Variants in LNX1 observed in about 807,000 individuals in gnomAD.
LNX1 encodes the protein E3 ubiquitin-protein ligase LNX.
Under a neutral mutation model 68.4 loss-of-function variants are expected in LNX1, and 54 were observed. The ratio of observed to expected loss-of-function variants is 0.79; its 90% confidence interval spans 0.63 to 0.99. The LOEUF is 0.99. Among genes scored for constraint, LNX1 ranks in the 50% least tolerant of loss-of-function variants. The pLI is 0.00. For synonymous variants in LNX1, 336 were observed against 350.0 expected (o/e 0.96, Z 0.45); for missense variants, 906 against 926.4 (o/e 0.98, Z 0.29).
At chr4:53,633,518 T>C (rs1323194321) in intron 1 of LNX1, among the ~76,000 whole-genome samples, 1 of 152,234 alleles carries the variant, frequency 6.6e-6, no homozygotes, top group African/African-American at 2.4e-5. Context: ...CCGTGGGCTA[T>C]GGCCAGGGAA....
At chr4:53,581,263 C>T (rs1577752210) in intron 1 of LNX1, among the ~76,000 whole-genome samples, 1 of 152,004 alleles carries the variant, frequency 6.6e-6, no homozygotes, top group East Asian at 1.9e-4. Context: ...TTTTTCAGAT[C>T]ATTAAGGAAG....
At chr4:53,479,087 A>G (rs1289975733) in intron 7 of LNX1, among the ~76,000 whole-genome samples, 1 of 152,178 alleles carries the variant, frequency 6.6e-6, no homozygotes, top group Admixed American at 6.5e-5. Flanking sequence ...TTTCATAGAG[A>G]AAAAGTATTG....
intron 2 of LNX1, among the ~76,000 whole-genome samples, chr4:53,609,234 T>C (rs1206137816): frequency 6.6e-6 from 1 of 151,606 alleles, no homozygotes; most frequent in African/African-American, 2.4e-5. Flanking sequence ...AATTTACCTA[T>C]GTAACAAATA....
intron 2 of LNX1, among the ~76,000 whole-genome samples, chr4:53,611,816 T>C (rs1432428352): frequency 1.3e-5 from 2 of 152,166 alleles, no homozygotes; most frequent in Non-Finnish European, 2.9e-5. Context: ...GGATTATATG[T>C]ACTGTTATAT....
chr4:53,505,528 A>G lies in LNX1; in HGVS notation c.775+1789T>C, dbSNP rs1164245237. Among the ~76,000 whole-genome samples, 3 of 152,196 alleles carry G rather than the reference A, an allele frequency of 2.0e-5. No individual in the cohort carries two copies. The East Asian group carries it at 5.8e-4, about 29-fold the overall frequency. The stretch of plus-strand genomic sequence containing the variant: ...CAGCCTCCCAAAGTGCTGGGATTAC[A>G]GGAGTAAGCCACCACGTCTGGCCCA... On this transcript the variant is annotated intron_variant, in intron 4 of 10. Coordinates refer to ENST00000263925, the MANE Select transcript of LNX1 (RefSeq NM_001126328.3).
intron 1 of LNX1, among the ~76,000 whole-genome samples, chr4:53,585,235 G>T (rs1033431149): frequency 5.3e-5 from 8 of 152,206 alleles, no homozygotes; most frequent in African/African-American, 1.9e-4. Context: ...TTGACTGGAA[G>T]AACTCAGTAG....
rs1365683541 is a variant in LNX1, at chr4:53,496,378, A to G, written c.995T>C (p.Ile332Thr). Residue 332 changes from isoleucine (I) to threonine (T), a missense_variant, in exon 6 of 11, where the codon ATC becomes ACC. By Grantham distance (89) the Ile-to-Thr change is moderately conservative. Transcript: ENST00000263925. ...DIILKVNGMD[I>T]SNVPHNYAVR... ...AGCGTAGTTGTGAGGGACATTGCTG[A>G]TGTCCATCCCGTTGACCTGGGGGCA... 1 of 1,608,154 alleles carries G rather than the reference A, an allele frequency of 6.2e-7. No homozygotes were observed. Among genetic ancestry groups the G allele is most frequent in the Admixed American group, 1.7e-5 (1 of 59,916 alleles).
chr4:53,469,397 T>G (rs1030632483), intron 9 of LNX1, among the ~76,000 whole-genome samples: 5 of 152,040 alleles, frequency 3.3e-5, no homozygotes, highest in African/African-American at 1.2e-4. Flanking sequence ...AGGAAAGATC[T>G]AAAATTGACA....
intron 10 of LNX1, 63 bp from the exon 11 acceptor site, chr4:53,461,105 G>A (rs1722006308): frequency 7.3e-7 from 1 of 1,377,794 alleles, no homozygotes. Flanking sequence ...GTTAATGCAA[G>A]TTTATCTTAG....
chr4:53,626,829 G>A (rs1051002484), intron 1 of LNX1, among the ~76,000 whole-genome samples: 3 of 152,148 alleles, frequency 2.0e-5, no homozygotes, highest in African/African-American at 7.2e-5. Flanking sequence ...TGAGTATTAA[G>A]TTTACTTTTG....
At chr4:53,635,417 T>G (rs1734434755) in intron 1 of LNX1, among the ~76,000 whole-genome samples, 1 of 152,202 alleles carries the variant, frequency 6.6e-6, no homozygotes, top group South Asian at 2.1e-4. Context: ...AGAATCACAT[T>G]TTGAAAATAT....
chr4:53,577,477 A>G (rs1176769271), intron 1 of LNX1, among the ~76,000 whole-genome samples: 2 of 152,196 alleles, frequency 1.3e-5, no homozygotes, highest in Non-Finnish European at 2.9e-5. Context: ...TCGTTTTTCA[A>G]ACTGTGCTGT....
Position 53,613,346 on chromosome 4 carries a change from A to AT in LNX1, c.-215+3170dup, listed in dbSNP as rs201327120. Among the ~76,000 whole-genome samples, 659 of 148,808 alleles carry AT rather than the reference A, an allele frequency of 4.4e-3. 1 individual carries two copies. The highest frequency in any genetic ancestry group is 9.5e-3 in the Admixed American group (142 of 14,990). On this transcript the variant is annotated intron_variant, in intron 2 of 3. Coordinates refer to the LNX1 transcript ENST00000504299. ...ACAGATAACCTCCTGCTTTCCAGGA[A>AT]TTTTTTTTTTTTAACTTTGAAGTTC...
intron 2 of LNX1, among the ~76,000 whole-genome samples, chr4:53,598,377 C>A (rs1433865301): frequency 2.0e-5 from 3 of 151,938 alleles, no homozygotes; most frequent in Non-Finnish European, 4.4e-5. Context: ...GGACTACAGG[C>A]ATGCACCACC....
intron 1 of LNX1, among the ~76,000 whole-genome samples, chr4:53,647,786 C>T (rs190387778): frequency 4.1e-3 from 626 of 152,350 alleles, no homozygotes; most frequent in Middle Eastern, 0.024. Flanking sequence ...CCTCAGCCCC[C>T]GGCAACTGCC....
At chr4:53,590,545 C>T (rs1732448232) in intron 1 of LNX1, among the ~76,000 whole-genome samples, 2 of 151,592 alleles carry the variant, frequency 1.3e-5, no homozygotes, top group South Asian at 4.2e-4. Flanking sequence ...ATTAAGAAAA[C>T]AAAAATGGAT....
At chr4:53,638,799 C>G (rs890648160) in intron 1 of LNX1, among the ~76,000 whole-genome samples, 8 of 152,028 alleles carry the variant, frequency 5.3e-5, no homozygotes, top group Admixed American at 4.6e-4. Context: ...ATAAGGTGCC[C>G]CAGTCAGAAT....
chr4:53,631,446 A>G (rs1734266537), intron 1 of LNX1, among the ~76,000 whole-genome samples: 1 of 152,192 alleles, frequency 6.6e-6, no homozygotes, highest in African/African-American at 2.4e-5. Context: ...AATGTGACCA[A>G]GTTGGCTGTT....
chr4:53,632,037 G>GT (rs1285324760), intron 1 of LNX1, among the ~76,000 whole-genome samples: 1 of 152,182 alleles, frequency 6.6e-6, no homozygotes, highest in Non-Finnish European at 1.5e-5. Context: ...GGGTCCGCTG[G>GT]TTCTTCTAAT....
Sources: allele counts gnomAD v4.1 joint callset (sites outside exome capture counted in the v4.1 genomes callset), GRCh38; gene constraint gnomAD v4.1.1; transcripts MANE v1.5; gene names NCBI Gene and HGNC (gene_info 2026-07-23, HGNC 2026-07-21).